DPP6: variants seen among roughly 807,000 people sequenced by gnomAD.
DPP6 encodes the protein dipeptidyl peptidase like 6.
DPP6 carries 69 observed loss-of-function variants against 122.6 expected under a neutral mutation model. That is an observed-to-expected ratio of 0.56 (90% confidence interval 0.46 to 0.69). The LOEUF (loss-of-function observed/expected upper bound fraction) is 0.69, where lower values mean the gene tolerates loss of function less well. Ranked by LOEUF, DPP6 falls within the 30% of genes least tolerant of loss-of-function variation. DPP6 has a pLI of 0.00. For missense variants in DPP6, 928 were observed against 1,116.9 expected (o/e 0.83, Z 2.41); for synonymous variants, 418 against 433.1 (o/e 0.97, Z 0.43).
chr7:154,150,881 G>T (rs1248028168), intron 1 of DPP6, among the ~76,000 whole-genome samples: 1 of 152,182 alleles, frequency 6.6e-6, no homozygotes, highest in Non-Finnish European at 1.5e-5. Flanking sequence ...GGCCTCTTTG[G>T]AGGCTCTTCC....
chr7:154,393,116 G>A (rs960147604), intron 1 of DPP6, among the ~76,000 whole-genome samples: 5 of 152,046 alleles, frequency 3.3e-5, no homozygotes, highest in African/African-American at 1.2e-4. Flanking sequence ...TAAGTATTTG[G>A]ACTAGACTTA....
At chr7:154,837,002 C>G (rs1266476709) in intron 16 of DPP6, among the ~76,000 whole-genome samples, 1 of 152,232 alleles carries the variant, frequency 6.6e-6, no homozygotes, top group Non-Finnish European at 1.5e-5. Context: ...CCACTGCACC[C>G]AGCCTGAATT....
chr7:154,150,964 T>C (rs948819609), intron 1 of DPP6, among the ~76,000 whole-genome samples: 8 of 152,178 alleles, frequency 5.3e-5, no homozygotes, highest in Admixed American at 2.0e-4. Flanking sequence ...CACCTGTTCC[T>C]AGATAGCTGC....
chr7:154,124,793 G>A (rs1807758409), intron 1 of DPP6, among the ~76,000 whole-genome samples: 1 of 152,234 alleles, frequency 6.6e-6, no homozygotes, highest in African/African-American at 2.4e-5. Context: ...GTGAAACTGG[G>A]AGATCCGTGA....
intron 1 of DPP6, among the ~76,000 whole-genome samples, chr7:154,437,787 T>C (rs1409380531): frequency 6.6e-6 from 1 of 151,932 alleles, no homozygotes; most frequent in Non-Finnish European, 1.5e-5. Context: ...AATACAAAAA[T>C]TAGCTGGACA....
At position 154,618,530 on chromosome 7, in the gene DPP6, C is replaced by A. The variant is rs2130839846; in HGVS notation, c.628-19291C>A. ...GCCTTAGACAATTTCTAGTTTGACT[C>A]TCATCATATTTTTAATATAGCCCTG... On this transcript the variant is annotated intron_variant, in intron 5 of 25. Transcript: ENST00000377770. The surrounding 1 kb of genome is among the most constrained non-coding windows in gnomAD (Gnocchi z 4.1). 6.6e-6 allele frequency among the ~76,000 whole-genome samples: 1 copy of A among 152,274 alleles called. No homozygotes were observed. The highest frequency in any genetic ancestry group is 1.5e-5 in the Non-Finnish European group (1 of 68,022).
At chr7:154,870,042 C>T (rs986030641) in intron 18 of DPP6, among the ~76,000 whole-genome samples, 5 of 151,802 alleles carry the variant, frequency 3.3e-5, no homozygotes, top group African/African-American at 4.8e-5. Context: ...TGCAGTGGTA[C>T]GATCTTGGGT....
At chr7:154,102,389 A>G (rs1473025137) in intron 1 of DPP6, among the ~76,000 whole-genome samples, 2 of 151,998 alleles carry the variant, frequency 1.3e-5, no homozygotes, top group Non-Finnish European at 2.9e-5. Context: ...GGGTTTCACC[A>G]TGTTGGCCAG....
intron 1 of DPP6, among the ~76,000 whole-genome samples, chr7:154,208,035 T>A (rs892217324): frequency 6.6e-6 from 1 of 152,368 alleles, no homozygotes; most frequent in Non-Finnish European, 1.5e-5. Flanking sequence ...TCACTTGTTT[T>A]TTATTCCTGT....
chr7:153,838,113 A>G, the DPP6 span, among the ~76,000 whole-genome samples: 1 of 152,120 alleles, frequency 6.6e-6, no homozygotes, highest in Admixed American at 6.5e-5. Context: ...AAATTTCTCA[A>G]GATGGTAGGA....
chr7:154,105,816 G>A (rs1391992194), intron 1 of DPP6, among the ~76,000 whole-genome samples: 2 of 152,156 alleles, frequency 1.3e-5, no homozygotes, highest in Admixed American at 6.5e-5. Context: ...ATGTGGAACT[G>A]TGAGTCCATT....
At chr7:154,400,828 C>G (rs552680317) in intron 1 of DPP6, among the ~76,000 whole-genome samples, 34 of 152,206 alleles carry the variant, frequency 2.2e-4, no homozygotes, top group Middle Eastern at 6.8e-3. Flanking sequence ...TAATGAAGAC[C>G]TTTCTTGTCT....
At chr7:153,885,469 G>C (rs150166000), upstream of DPP6, among the ~76,000 whole-genome samples, 180 of 148,034 alleles carry the variant, frequency 1.2e-3, no homozygotes, top group African/African-American at 4.1e-3. Flanking sequence ...CCCCAGAGAG[G>C]TGCCTTTCCT....
chr7:154,431,782 C>A (rs1818449720), intron 1 of DPP6, among the ~76,000 whole-genome samples: 1 of 152,120 alleles, frequency 6.6e-6, no homozygotes, highest in Non-Finnish European at 1.5e-5. Flanking sequence ...ATCCGCCCAC[C>A]TCAGCCTCCC....
At chr7:154,305,264 T>TA in intron 1 of DPP6, 1 of 1,298,084 alleles carries the variant, frequency 7.7e-7, no homozygotes, top group South Asian at 2.5e-5. Context: ...GAAGCCCCAC[T>TA]AAGCAGCGGC....
chr7:154,503,433 C>A (rs1483075881), intron 3 of DPP6, among the ~76,000 whole-genome samples: 1 of 152,158 alleles, frequency 6.6e-6, no homozygotes, highest in African/African-American at 2.4e-5. Context: ...ACACGATGTA[C>A]CTGACCAGGC....
intron 7 of DPP6, among the ~76,000 whole-genome samples, chr7:154,709,007 C>T (rs1386723946): frequency 6.6e-6 from 1 of 151,606 alleles, no homozygotes; most frequent in African/African-American, 2.4e-5. Flanking sequence ...AAGATCATGC[C>T]ACTGCAGTCC....
chr7:154,163,701 T>G (rs1392629688), intron 1 of DPP6, among the ~76,000 whole-genome samples: 1 of 152,114 alleles, frequency 6.6e-6, no homozygotes, highest in Non-Finnish European at 1.5e-5. Context: ...GGGAGATGGA[T>G]TTGGAGGTGA....
chr7:154,309,752 T>C (rs1012326279), intron 1 of DPP6, among the ~76,000 whole-genome samples: 1 of 152,316 alleles, frequency 6.6e-6, no homozygotes, highest in East Asian at 1.9e-4. Context: ...AAAAACAAGA[T>C]TCAATATTAG....
Sources: gnomAD v4.1 joint callset for allele counts (sites outside exome capture counted in the v4.1 genomes callset) on GRCh38, gnomAD v4.1.1 for gene constraint, Gnocchi (gnomAD v3.1) non-coding constraint, MANE v1.5 for transcripts, NCBI Gene and HGNC (gene_info 2026-07-23, HGNC 2026-07-21) for gene names.